GABRG3: variants seen among roughly 807,000 people sequenced by gnomAD.
GABRG3 encodes the protein gamma-aminobutyric acid type A receptor subunit gamma3, also known as gamma-aminobutyric acid receptor subunit gamma-3.
In GABRG3, 25 loss-of-function variants were observed where a neutral mutation model predicts 48.8. The observed-to-expected ratio is 0.51, with a 90% confidence interval of 0.37 to 0.72. The LOEUF (loss-of-function observed/expected upper bound fraction) is 0.72. Among genes scored for constraint, GABRG3 ranks in the 30% least tolerant of loss-of-function variants. GABRG3 has a pLI of 0.00. For missense variants in GABRG3, 394 were observed against 577.9 expected (o/e 0.68, Z 3.26); for synonymous variants, 227 against 217.6 (o/e 1.04, Z -0.38).
intron 3 of GABRG3, among the ~76,000 whole-genome samples, chr15:27,071,428 C>T (rs1896825274): frequency 6.6e-6 from 1 of 152,220 alleles, no homozygotes; most frequent in African/African-American, 2.4e-5. Flanking sequence ...TGCTTTGTTG[C>T]TTTTGCTGGT....
At chr15:27,171,521 T>TAC (rs1555407531) in intron 3 of GABRG3, among the ~76,000 whole-genome samples, 1 of 148,008 alleles carries the variant, frequency 6.8e-6, no homozygotes, top group Non-Finnish European at 1.5e-5. Flanking sequence ...TATATATATA[T>TAC]ATACATATAC....
intron 5 of GABRG3, among the ~76,000 whole-genome samples, chr15:27,381,001 G>A (rs376320919): frequency 2.6e-5 from 4 of 151,976 alleles, no homozygotes; most frequent in Admixed American, 6.5e-5. Context: ...TCCTGACCTC[G>A]TGATCCACCC....
At chr15:27,023,076 A>G (rs1422198889) in intron 2 of GABRG3, among the ~76,000 whole-genome samples, 2 of 152,220 alleles carry the variant, frequency 1.3e-5, no homozygotes, top group African/African-American at 4.8e-5. Context: ...ATTCTTAGGA[A>G]ATAATAGCAA....
At chr15:27,440,554 G>A (rs760738089) in intron 5 of GABRG3, among the ~76,000 whole-genome samples, 2 of 152,158 alleles carry the variant, frequency 1.3e-5, no homozygotes, top group Non-Finnish European at 2.9e-5. Flanking sequence ...ACATTCATAG[G>A]CCTGTGTGAA....
chr15:27,422,185 T>G (rs988845245), intron 5 of GABRG3, among the ~76,000 whole-genome samples: 19 of 151,438 alleles, frequency 1.3e-4, no homozygotes, highest in South Asian at 2.1e-4. Context: ...CAATACTGAG[T>G]GTTCTAAGAT....
At chr15:27,466,489 C>A (rs975517691) in intron 5 of GABRG3, among the ~76,000 whole-genome samples, 1 of 152,166 alleles carries the variant, frequency 6.6e-6, no homozygotes, top group Non-Finnish European at 1.5e-5. Flanking sequence ...TGCACAGAAA[C>A]AAAAATAAAT....
intron 3 of GABRG3, among the ~76,000 whole-genome samples, chr15:27,027,705 T>C (rs1172889867): frequency 6.6e-6 from 1 of 152,208 alleles, no homozygotes; most frequent in African/African-American, 2.4e-5. Context: ...AAAATCTCCA[T>C]ATCATCCCTA....
At chr15:27,340,284 A>G (rs1214134196) in intron 5 of GABRG3, among the ~76,000 whole-genome samples, 2 of 152,156 alleles carry the variant, frequency 1.3e-5, no homozygotes, top group African/African-American at 2.4e-5. Context: ...TGGAATTCCC[A>G]GGGGAAAGAA....
chr15:27,208,991 A>C (rs1287932088), intron 3 of GABRG3, among the ~76,000 whole-genome samples: 1 of 152,236 alleles, frequency 6.6e-6, no homozygotes, highest in Non-Finnish European at 1.5e-5. Flanking sequence ...TCACAGAGCC[A>C]TTGATTCCCT....
intron 3 of GABRG3, among the ~76,000 whole-genome samples, chr15:27,043,227 G>A (rs911905894): frequency 6.6e-6 from 1 of 152,100 alleles, no homozygotes; most frequent in Admixed American, 6.5e-5. Context: ...CTACAACTCA[G>A]AACAACACCA....
At chr15:27,461,717 G>A (rs566924011) in intron 5 of GABRG3, among the ~76,000 whole-genome samples, 32 of 152,296 alleles carry the variant, frequency 2.1e-4, no homozygotes, top group African/African-American at 7.7e-4. Context: ...TTTTTACAGA[G>A]TGCTGATTGG....
intron 5 of GABRG3, among the ~76,000 whole-genome samples, chr15:27,425,109 A>G (rs1888250692): frequency 6.6e-6 from 1 of 152,118 alleles, no homozygotes; most frequent in Non-Finnish European, 1.5e-5. Flanking sequence ...CATCTTGCTG[A>G]AAGAAGTAAG....
chr15:27,137,767 C>T (rs140930518), intron 3 of GABRG3, among the ~76,000 whole-genome samples: 4 of 152,252 alleles, frequency 2.6e-5, no homozygotes, highest in East Asian at 1.9e-4. Flanking sequence ...TTTCATAAAG[C>T]GATAGATATT....
chr15:27,003,859 C>A (rs1370195856), intron 2 of GABRG3, among the ~76,000 whole-genome samples: 1 of 146,000 alleles, frequency 6.8e-6, no homozygotes, highest in Non-Finnish European at 1.5e-5. Context: ...GGGGGCTGAC[C>A]CCCCCACCTC....
At chr15:27,133,111 T>C (rs867907236) in intron 3 of GABRG3, among the ~76,000 whole-genome samples, 1 of 152,162 alleles carries the variant, frequency 6.6e-6, no homozygotes, top group Non-Finnish European at 1.5e-5. Flanking sequence ...TGTGATTTTT[T>C]AAGTTTTTTT....
intron 3 of GABRG3, among the ~76,000 whole-genome samples, chr15:27,281,111 C>G (rs1234650749): frequency 1.3e-5 from 2 of 152,146 alleles, no homozygotes; most frequent in African/African-American, 4.8e-5. Flanking sequence ...GCTCTGAAAT[C>G]TACTTTATCT....
At chr15:27,231,144 A>G (rs1889785587) in intron 3 of GABRG3, among the ~76,000 whole-genome samples, 1 of 152,098 alleles carries the variant, frequency 6.6e-6, no homozygotes, top group Non-Finnish European at 1.5e-5. Context: ...TCTCAAACCT[A>G]CGTTTTTAGG....
intron 3 of GABRG3, among the ~76,000 whole-genome samples, chr15:27,316,201 A>C (rs1429412361): frequency 7.2e-5 from 11 of 151,956 alleles, no homozygotes; most frequent in Admixed American, 2.6e-4. Context: ...CGGCTAAAAA[A>C]ACGGTGAAAC....
intron 3 of GABRG3, among the ~76,000 whole-genome samples, chr15:27,123,361 G>C (rs1297870511): frequency 6.6e-6 from 1 of 152,104 alleles, no homozygotes. Context: ...GAGGTGATTA[G>C]GTCCTGAGGT....
Sources: gnomAD v4.1 joint callset for allele counts (sites outside exome capture counted in the v4.1 genomes callset) on GRCh38, gnomAD v4.1.1 for gene constraint, MANE v1.5 for transcripts, NCBI Gene and HGNC (gene_info 2026-07-23, HGNC 2026-07-21) for gene names.